Variants in MBTPS2 observed in about 807,000 individuals in gnomAD.
MBTPS2 encodes the protein membrane-bound transcription factor site-2 protease.
Under a neutral mutation model 35.4 loss-of-function variants are expected in MBTPS2, and 2 were observed. That is an observed-to-expected ratio of 0.06 (90% CI 0.02 to 0.18). The LOEUF (loss-of-function observed/expected upper bound fraction) is 0.18. MBTPS2 is among the 10% of genes least tolerant of loss of function. MBTPS2 has a pLI of 1.00. For missense variants in MBTPS2, 244 were observed against 386.5 expected, an observed-to-expected ratio of 0.63 and a Z score of 3.09; for synonymous variants, 125 against 140.4, an observed-to-expected ratio of 0.89 and a Z score of 0.77.
chrX:21,872,524 G>A (rs761115739), intron 7 of MBTPS2: 1 of 106,786 alleles, frequency 9.4e-6, no homozygotes, highest in East Asian at 2.9e-4. Flanking sequence ...CAAGCCCTGG[G>A]CTGTCCCAGC....
In MBTPS2 at chrX:21,859,644, A is replaced by G. The variant is rs187680971; in HGVS notation, c.670+6141A>G. On this transcript the variant is annotated intron_variant, in intron 5 of 10. Transcript: ENST00000379484. ...AAAATAAAACACCTCTTCTAAAGAA[A>G]GAAAAAAGTAGTTTGCCTATGTCAA... Among the ~76,000 whole-genome samples the G allele has an allele frequency of 4.1e-3, 461 of 111,392 alleles. 4 individuals carry two copies. Among genetic ancestry groups the G allele is most frequent in the African/African-American group, 0.014 (421 of 30,611 alleles).
chrX:21,857,605 AAGG>A (rs771497913), intron 5 of MBTPS2: 5 of 1,197,472 alleles, frequency 4.2e-6, no homozygotes, highest in East Asian at 3.0e-5. Flanking sequence ...AACCCGTGAA[AAGG>A]AGAAGACCCC....
intron 5 of MBTPS2, among the ~76,000 whole-genome samples, chrX:21,859,662 T>A (rs2092928689): frequency 9.0e-6 from 1 of 111,651 alleles, no homozygotes; most frequent in Non-Finnish European, 1.9e-5. Flanking sequence ...GTAGTTTGCC[T>A]ATGTCAATAC....
chrX:21,862,177 C>G (rs1003828546), intron 5 of MBTPS2, among the ~76,000 whole-genome samples: 1 of 110,423 alleles, frequency 9.1e-6, no homozygotes, highest in Non-Finnish European at 1.9e-5. Context: ...GTGCCCATAC[C>G]CCGCCCCATA....
chrX:21,857,878 A>G (rs1183001966), intron 5 of MBTPS2: 2 of 261,055 alleles, frequency 7.7e-6, no homozygotes, highest in Non-Finnish European at 1.4e-5. Flanking sequence ...AAATTCGTAG[A>G]CTTCACATCA....
intron 5 of MBTPS2, among the ~76,000 whole-genome samples, chrX:21,867,252 G>A (rs925815119): frequency 3.6e-5 from 4 of 111,934 alleles, no homozygotes; most frequent in African/African-American, 1.3e-4. Context: ...AGATGAAAAT[G>A]TATTGTAAAT....
chrX:21,874,391 A>G (rs1279419596), intron 7 of MBTPS2, among the ~76,000 whole-genome samples: 1 of 111,116 alleles, frequency 9.0e-6, no homozygotes, highest in Non-Finnish European at 1.9e-5. Context: ...AGTCAGCAAC[A>G]GAACTGAGAA....
chrX:21,883,052 G>C lies in MBTPS2; in HGVS notation c.*397G>C. ...GCATCATTAATCAAAATTTGAAGGA[G>C]ACCAGACTTTGGCCAAGTGGAAGGA... On this transcript the variant is annotated 3_prime_UTR_variant, in exon 11 of 11. Transcript: ENST00000379484. 2.4e-6 allele frequency: 2 copies of C among 816,843 alleles called. No homozygotes were observed. Among genetic ancestry groups the C allele is most frequent in the Non-Finnish European group, 3.0e-6 (2 of 677,563 alleles). The allele number at this position is 816,843 out of a possible 1,213,427, so 67.3% of individuals were successfully genotyped here. A position where few individuals can be genotyped will look rare whatever the true frequency, so the allele number is the denominator to read the frequency against.
intron 7 of MBTPS2, among the ~76,000 whole-genome samples, chrX:21,875,592 T>G (rs2092952140): frequency 8.9e-6 from 1 of 112,494 alleles, no homozygotes; most frequent in Non-Finnish European, 1.9e-5. Flanking sequence ...TGTAAACATT[T>G]TAAGATCATT....
chrX:21,866,886 G>A (rs373237003), intron 5 of MBTPS2, among the ~76,000 whole-genome samples: 5 of 109,484 alleles, frequency 4.6e-5, no homozygotes, highest in South Asian at 4.0e-4. Context: ...AAAATTAGCC[G>A]GGCGTGGTGG....
intron 7 of MBTPS2, among the ~76,000 whole-genome samples, chrX:21,875,882 A>G (rs910853495): frequency 8.9e-6 from 1 of 112,447 alleles, no homozygotes; most frequent in Non-Finnish European, 1.9e-5. Context: ...TAGGACGTCA[A>G]GATGGACATG....
chrX:21,874,084 G>C (rs1440722500), intron 7 of MBTPS2, among the ~76,000 whole-genome samples: 1 of 97,904 alleles, frequency 1.0e-5, no homozygotes, highest in East Asian at 3.2e-4. Context: ...GCAGTGGCGC[G>C]ATCTCAGCTC....
intron 5 of MBTPS2, among the ~76,000 whole-genome samples, chrX:21,855,199 G>A (rs376512992): frequency 4.5e-5 from 5 of 110,073 alleles, no homozygotes; most frequent in African/African-American, 6.6e-5. Context: ...ATCAAAGGTC[G>A]AACAATGAGA....
intron 5 of MBTPS2, among the ~76,000 whole-genome samples, chrX:21,859,223 A>C (rs953928164): frequency 3.6e-5 from 4 of 110,553 alleles, no homozygotes; most frequent in Non-Finnish European, 7.6e-5. Flanking sequence ...TACTTTTAGG[A>C]ATATGCTTAA....
intron 1 of MBTPS2, among the ~76,000 whole-genome samples, chrX:21,841,492 G>A (rs769392027): frequency 1.3e-4 from 14 of 109,820 alleles, no homozygotes; most frequent in Admixed American, 8.7e-4. Flanking sequence ...AGGCCACAAT[G>A]ATTTTGTTGT....
intron 9 of MBTPS2, 70 bp from the exon 10 acceptor site, chrX:21,880,827 G>A (rs1158649578): frequency 1.3e-6 from 1 of 757,176 alleles, no homozygotes; most frequent in Admixed American, 2.3e-5. Flanking sequence ...TTAACCATAT[G>A]GTAGAATTCA....
intron 7 of MBTPS2, among the ~76,000 whole-genome samples, chrX:21,876,705 C>T (rs1249163695): frequency 9.0e-6 from 1 of 111,343 alleles, no homozygotes; most frequent in East Asian, 2.8e-4. Context: ...AGGGGAAATC[C>T]AGTATAACCA....
intron 5 of MBTPS2, chrX:21,858,761 C>A (rs2092927220): frequency 8.8e-6 from 1 of 113,560 alleles, no homozygotes; most frequent in African/African-American, 3.4e-5. Context: ...GTGGGGCGCA[C>A]ACCTGTGGTC....
chrX:21,852,322 G>A (rs1467070648), intron 4 of MBTPS2, among the ~76,000 whole-genome samples: 4 of 111,690 alleles, frequency 3.6e-5, no homozygotes, highest in Non-Finnish European at 5.7e-5. Flanking sequence ...TTATCCTTTC[G>A]GTGTGTGGAC....
Sources: gnomAD v4.1 joint callset for allele counts (sites outside exome capture counted in the v4.1 genomes callset) on GRCh38, gnomAD v4.1.1 for gene constraint, MANE v1.5 for transcripts, NCBI Gene and HGNC (gene_info 2026-07-23, HGNC 2026-07-21) for gene names.